CCDC50: variants seen among roughly 807,000 people sequenced by gnomAD.
CCDC50 encodes the protein coiled-coil domain-containing protein 50.
A neutral mutation model predicts 70.2 loss-of-function variants in CCDC50; 54 were observed. That is an observed-to-expected ratio of 0.77 (90% confidence interval 0.62 to 0.96). CCDC50 has a LOEUF of 0.96. Among genes scored for constraint, CCDC50 ranks in the 50% least tolerant of loss-of-function variants. The pLI, the probability that CCDC50 is intolerant of heterozygous loss-of-function variation, is 0.00. For missense variants in CCDC50, 558 were observed against 578.7 expected (o/e 0.96, Z 0.37); for synonymous variants, 216 against 198.8 (o/e 1.09, Z -0.73).
intron 10 of CCDC50, among the ~76,000 whole-genome samples, chr3:191,386,105 C>T (rs375393803): frequency 1.3e-5 from 2 of 150,316 alleles, no homozygotes; most frequent in Non-Finnish European, 2.9e-5. Flanking sequence ...CTATGTGGCT[C>T]TTTTTTTGGT....
chr3:191,330,048 T>G (rs376630886), intron 1 of CCDC50, among the ~76,000 whole-genome samples: 1 of 151,876 alleles, frequency 6.6e-6, no homozygotes, highest in East Asian at 1.9e-4. Context: ...GAATCTGACT[T>G]ACTCCGCTTC....
intron 1 of CCDC50, among the ~76,000 whole-genome samples, chr3:191,344,313 T>G (rs561586438): frequency 5.9e-5 from 9 of 152,374 alleles, no homozygotes; most frequent in African/African-American, 2.2e-4. Flanking sequence ...ACAACTGTGA[T>G]GATGCAAACG....
intron 5 of CCDC50, among the ~76,000 whole-genome samples, chr3:191,371,856 A>C (rs1488097188): frequency 6.6e-6 from 1 of 152,180 alleles, no homozygotes; most frequent in Non-Finnish European, 1.5e-5. Flanking sequence ...TGCTGTACTA[A>C]AGATCAGAAA....
chr3:191,366,882 AC>A (rs908439195), intron 4 of CCDC50, among the ~76,000 whole-genome samples: 2 of 152,090 alleles, frequency 1.3e-5, no homozygotes, highest in Admixed American at 6.6e-5. Flanking sequence ...ATCAAAGGTG[AC>A]TAAGCTGGTT....
chr3:191,380,556 C>T (rs1006985192), intron 7 of CCDC50, 131 bp from the exon 8 acceptor site: 30 of 893,280 alleles, frequency 3.4e-5, no homozygotes, highest in Non-Finnish European at 4.9e-5. Flanking sequence ...GAAAGCATAC[C>T]AACTGATTAT....
At chr3:191,349,613 T>A (rs1339719030) in intron 1 of CCDC50, among the ~76,000 whole-genome samples, 1 of 141,666 alleles carries the variant, frequency 7.1e-6, no homozygotes, top group Non-Finnish European at 1.6e-5. Context: ...AGAAGGTACT[T>A]AATGAAGTAC....
chr3:191,389,658 T>A, intron 11 of CCDC50, 56 bp downstream of exon 11: 1 of 1,304,574 alleles, frequency 7.7e-7, no homozygotes, highest in Non-Finnish European at 1.1e-6. Flanking sequence ...ATAAGCCTCG[T>A]GTTGTAGTGG....
chr3:191,384,724 G>A (rs1220132257), intron 10 of CCDC50, among the ~76,000 whole-genome samples: 1 of 151,866 alleles, frequency 6.6e-6, no homozygotes. Context: ...TTTTTACAAG[G>A]GTATATTGTG....
Position 191,370,012 on chromosome 3 carries a change from G to C in CCDC50, c.424G>C (p.Asp142His). 6.2e-7 allele frequency: 1 copy of C among 1,610,470 alleles called. No homozygotes were observed. Among genetic ancestry groups the C allele is most frequent in the Non-Finnish European group, 8.5e-7 (1 of 1,176,998 alleles). ...PEFPATRAYA[D>H]SYYYEDGDQP... ...GTTCCCTGCAACCCGTGCTTATGCA[G>C]ATAGTTACTATTATGAAGATGGAGG... The change falls in exon 5 of 12, where the codon GAT becomes CAT. Residue 142 changes from aspartate (D) to histidine (H), a missense_variant. Physicochemically the swap from Asp to His is moderately conservative, Grantham distance 81. Coordinates refer to ENST00000392455, the MANE Select transcript of CCDC50 (RefSeq NM_178335.3).
At chr3:191,389,435 A>T (rs1339665119) in intron 10 of CCDC50, 61 bp from the exon 11 acceptor site, 1 of 1,340,540 alleles carries the variant, frequency 7.5e-7, no homozygotes, top group Non-Finnish European at 1.1e-6. Flanking sequence ...ATCCAGTAAG[A>T]GGGGTGGAGT....
Position 191,338,157 on chromosome 3 carries a change from G to A in CCDC50, c.49+8434G>A, listed in dbSNP as rs1288908268. 2.6e-5 allele frequency among the ~76,000 whole-genome samples: 4 copies of A among 152,076 alleles called. No homozygotes were observed. The South Asian group carries it at 8.3e-4, about 31-fold the overall frequency. On this transcript the variant is annotated intron_variant, in intron 1 of 11. Coordinates refer to ENST00000392455, the MANE Select transcript of CCDC50 (RefSeq NM_178335.3). The stretch of plus-strand genomic sequence containing the variant: ...ATAAGGATATCTTTCCCTCTTCACC[G>A]CTTCCCCATCAGCAACAAATTCTGT...
intron 4 of CCDC50, among the ~76,000 whole-genome samples, chr3:191,363,208 T>C (rs1362174613): frequency 6.6e-6 from 1 of 152,188 alleles, no homozygotes; most frequent in African/African-American, 2.4e-5. Context: ...ATTAGCAGTT[T>C]AGTGATTAAC....
At chr3:191,373,437 A>C (rs1712983224) in intron 5 of CCDC50, among the ~76,000 whole-genome samples, 1 of 152,154 alleles carries the variant, frequency 6.6e-6, no homozygotes, top group Non-Finnish European at 1.5e-5. Context: ...ATAATATCAC[A>C]AATTCATGTC....
At chr3:191,356,994 A>C in intron 1 of CCDC50, 94 bp from the exon 2 acceptor site, 1 of 791,984 alleles carries the variant, frequency 1.3e-6, no homozygotes, top group Non-Finnish European at 2.2e-6. Flanking sequence ...ATTAGAATTG[A>C]TTTTTTTTAA....
At chr3:191,361,813 G>C (rs1185488162) in intron 4 of CCDC50, among the ~76,000 whole-genome samples, 2 of 152,004 alleles carry the variant, frequency 1.3e-5, no homozygotes. Context: ...CTTACTACAA[G>C]GTGTCTGTCC....
At chr3:191,373,427 A>G (rs1712982733) in intron 5 of CCDC50, among the ~76,000 whole-genome samples, 1 of 152,216 alleles carries the variant, frequency 6.6e-6, no homozygotes, top group Non-Finnish European at 1.5e-5. Context: ...ATTAAAAATC[A>G]TAATATCACA....
intron 4 of CCDC50, among the ~76,000 whole-genome samples, chr3:191,366,918 A>T (rs1712713334): frequency 6.6e-6 from 1 of 152,112 alleles, no homozygotes; most frequent in African/African-American, 2.4e-5. Context: ...ACTGTGACTG[A>T]TAATTGCCAT....
intron 1 of CCDC50, among the ~76,000 whole-genome samples, chr3:191,355,777 T>C (rs965107842): frequency 6.6e-6 from 1 of 152,204 alleles, no homozygotes; most frequent in Non-Finnish European, 1.5e-5. Flanking sequence ...TTTGCTGTTA[T>C]GTTTGAGCGA....
Position 191,369,986 on chromosome 3 carries a change from A to C in CCDC50, c.398A>C (p.Glu133Ala), listed in dbSNP as rs1269319396. The change falls in exon 5 of 12, where the codon GAG (glutamate) becomes GCG (alanine). Residue 133 changes from glutamate (E) to alanine (A), a missense_variant. Physicochemically the swap from Glu to Ala is moderately radical, Grantham distance 107. Coordinates refer to ENST00000392455, the MANE Select transcript of CCDC50 (RefSeq NM_178335.3). ...AAAAAGAGAAAGAAACACTTTCCAG[A>C]GTTCCCTGCAACCCGTGCTTATGCA... ...EEKKRKKHFP[E>A]FPATRAYADS... is the part of the protein sequence containing the mutation. 1 of 1,613,596 alleles carries C rather than the reference A, an allele frequency of 6.2e-7. No homozygotes were observed. The highest frequency in any genetic ancestry group is 1.1e-5 in the South Asian group (1 of 91,084).
Sources: allele counts gnomAD v4.1 joint callset (sites outside exome capture counted in the v4.1 genomes callset), GRCh38; gene constraint gnomAD v4.1.1; transcripts MANE v1.5; gene names NCBI Gene and HGNC (gene_info 2026-07-23, HGNC 2026-07-21).